Variants in CMTM4 observed in about 807,000 individuals in gnomAD.
CMTM4 encodes CKLF like MARVEL transmembrane domain containing 4, also known as CKLF-like MARVEL transmembrane domain-containing protein 4.
A neutral mutation model predicts 19.0 loss-of-function variants in CMTM4; 8 were observed. The observed-to-expected ratio is 0.42, with a 90% CI of 0.25 to 0.76. CMTM4 has a LOEUF of 0.76. Ranked by LOEUF, CMTM4 falls within the 30% of genes least tolerant of loss-of-function variation. The pLI is 0.27. For synonymous variants in CMTM4, 106 were observed against 121.1 expected (o/e 0.88, Z 0.82); for missense variants, 228 against 290.2 (o/e 0.79, Z 1.56).
chr16:66,627,096 C>CT (rs775969922), intron 2 of CMTM4, among the ~76,000 whole-genome samples: 2 of 152,088 alleles, frequency 1.3e-5, no homozygotes, highest in Non-Finnish European at 2.9e-5. Flanking sequence ...GCGTGAGACT[C>CT]TGTCTCAAAA....
intron 1 of CMTM4, among the ~76,000 whole-genome samples, chr16:66,640,424 T>G (rs72790462): frequency 0.044 from 6,605 of 151,540 alleles, 270 homozygotes; most frequent in East Asian, 0.16. Context: ...GGAGGCAGAG[T>G]GGGGAGCAAG....
intron 1 of CMTM4, among the ~76,000 whole-genome samples, chr16:66,637,610 T>C (rs1461698478): frequency 6.6e-6 from 1 of 152,190 alleles, no homozygotes; most frequent in African/African-American, 2.4e-5. Flanking sequence ...TCCTAAGAGT[T>C]CATAGATCAT....
chr16:66,650,474 T>C (rs895499674), intron 1 of CMTM4, among the ~76,000 whole-genome samples: 1 of 152,196 alleles, frequency 6.6e-6, no homozygotes, highest in African/African-American at 2.4e-5. Context: ...CCCTTTCCCT[T>C]ACAGAGGAGC....
chr16:66,675,334 G>A (rs1276175153), intron 1 of CMTM4, among the ~76,000 whole-genome samples: 1 of 151,436 alleles, frequency 6.6e-6, no homozygotes, highest in African/African-American at 2.4e-5. Flanking sequence ...ATCCTCTTCG[G>A]GCCTCCCAAA....
At chr16:66,651,462 C>T (rs541020858) in intron 1 of CMTM4, among the ~76,000 whole-genome samples, 27 of 152,302 alleles carry the variant, frequency 1.8e-4, no homozygotes, top group South Asian at 1.0e-3. Context: ...GGGCTCTGCA[C>T]CAGGCACAGT....
chr16:66,627,059 C>T (rs1271840013), intron 2 of CMTM4, among the ~76,000 whole-genome samples: 3 of 152,078 alleles, frequency 2.0e-5, no homozygotes, highest in Admixed American at 6.6e-5. Flanking sequence ...GCGGAGACTG[C>T]GCCTCTGCAC....
intron 1 of CMTM4, among the ~76,000 whole-genome samples, chr16:66,691,913 G>T (rs1446103358): frequency 1.3e-5 from 2 of 152,230 alleles, no homozygotes; most frequent in East Asian, 3.9e-4. Context: ...TTAGCACTAT[G>T]ACAGCTAACA....
intron 1 of CMTM4, among the ~76,000 whole-genome samples, chr16:66,645,797 C>T (rs2016183664): frequency 6.6e-6 from 1 of 151,540 alleles, no homozygotes; most frequent in African/African-American, 2.4e-5. Context: ...TGACCTATAT[C>T]GTGAAACCCT....
chr16:66,681,058 A>T (rs553144822), intron 1 of CMTM4, among the ~76,000 whole-genome samples: 66 of 152,282 alleles, frequency 4.3e-4, no homozygotes, highest in South Asian at 1.7e-3. Context: ...AACGTAAAAA[A>T]GTAGAATTTG....
In CMTM4 at chr16:66,615,065, C is replaced by G. The variant is rs772440218; in HGVS notation, c.*6993G>C. The G allele has an allele frequency of 1.6e-4, 24 of 152,360 alleles. No individual in the cohort carries two copies. The highest frequency in any genetic ancestry group is 4.8e-4 in the African/African-American group (20 of 41,568). The allele number at this position is 152,360 out of a possible 1,614,324, so 9.4% of individuals were successfully genotyped here. On this transcript the variant is annotated 3_prime_UTR_variant, in exon 4 of 4. Coordinates refer to ENST00000394106, the MANE Select transcript of CMTM4 (RefSeq NM_181521.3). The surrounding 1 kb of genome is among the most constrained non-coding windows in gnomAD (Gnocchi z 4.9). ...AGGGGACGCCCACCCAGGGCTTCCA[C>G]GTCAGCTGAAAAACCAAACACATAA...
intron 1 of CMTM4, among the ~76,000 whole-genome samples, chr16:66,659,579 A>G (rs189270398): frequency 6.6e-6 from 1 of 152,330 alleles, no homozygotes; most frequent in African/African-American, 2.4e-5. Context: ...ACAAACCAAA[A>G]GGGCATTTTG....
rs2016130647 is a variant in CMTM4, at chr16:66,643,302, T to C, written c.187-6721A>G. Among the ~76,000 whole-genome samples the C allele has an allele frequency of 2.0e-5, 3 of 152,178 alleles. No individual in the cohort carries two copies. In the South Asian group the frequency reaches 6.2e-4, roughly 31 times the overall value. ...TTTGGGTTTAGCTGCCGGTTCCACG[T>C]GTGGTTAAGCTACCGTAGCACTCCC... On this transcript the variant is annotated intron_variant, in intron 1 of 3. Transcript: ENST00000394106.
chr16:66,608,614 C>T, the CMTM4 span: 1 of 737,514 alleles, frequency 1.4e-6, no homozygotes, highest in Admixed American at 2.7e-5. This position sits in a 1 kb window ranked among gnomAD's most constrained non-coding sequence, Gnocchi z 5.1. Context: ...AGCTTCAGAT[C>T]ATCCCAGCTC....
downstream of CMTM4, chr16:66,613,558 T>C (rs932469411): frequency 5.0e-5 from 8 of 160,290 alleles, no homozygotes; most frequent in African/African-American, 7.2e-5. Flanking sequence ...CTGTCTTTGA[T>C]GGAATTTTGT....
intron 2 of CMTM4, among the ~76,000 whole-genome samples, chr16:66,631,276 C>G (rs1357620831): frequency 6.6e-6 from 1 of 150,500 alleles, no homozygotes; most frequent in Admixed American, 6.6e-5. Flanking sequence ...GTCAGCCCCC[C>G]GCCCGGCCAG....
chr16:66,609,746 C>A, the CMTM4 span: 2 of 1,579,464 alleles, frequency 1.3e-6, no homozygotes, highest in Non-Finnish European at 1.7e-6. This position sits in a 1 kb window ranked among gnomAD's most constrained non-coding sequence, Gnocchi z 4.4. Context: ...TTTCCCACTT[C>A]CGTTACTCAC....
At chr16:66,635,675 C>A (rs982646772) in intron 2 of CMTM4, among the ~76,000 whole-genome samples, 1 of 152,184 alleles carries the variant, frequency 6.6e-6, no homozygotes. Flanking sequence ...GTGAGGCAGC[C>A]GACTGTGCTT....
chr16:66,683,252 T>C (rs1302151600), intron 1 of CMTM4, among the ~76,000 whole-genome samples: 5 of 141,054 alleles, frequency 3.5e-5, no homozygotes, highest in Non-Finnish European at 6.1e-5. Context: ...AACTTGACCT[T>C]ACAAACTACA....
At chr16:66,687,836 T>C (rs544236961) in intron 1 of CMTM4, among the ~76,000 whole-genome samples, 10 of 152,088 alleles carry the variant, frequency 6.6e-5, no homozygotes, top group African/African-American at 1.4e-4. Context: ...TACAGGCGCC[T>C]GCCACCACAC....
Sources: gnomAD v4.1 joint callset for allele counts (sites outside exome capture counted in the v4.1 genomes callset) on GRCh38, gnomAD v4.1.1 for gene constraint, Gnocchi (gnomAD v3.1) non-coding constraint, MANE v1.5 for transcripts, NCBI Gene and HGNC (gene_info 2026-07-23, HGNC 2026-07-21) for gene names.